The following FBLN2 variants were observed in gnomAD, a reference collection of about 807,000 sequenced individuals.
FBLN2 encodes the protein fibulin 2.
FBLN2 carries 81 observed loss-of-function variants against 123.7 expected under a neutral mutation model. The ratio of observed to expected loss-of-function variants is 0.65; its 90% CI spans 0.55 to 0.79. The LOEUF is 0.79. Ranked by LOEUF, FBLN2 falls within the 30% of genes least tolerant of loss-of-function variation. FBLN2 has a pLI of 0.00. For missense variants in FBLN2, 1,603 were observed against 1,681.3 expected (o/e 0.95, Z 0.81); for synonymous variants, 699 against 701.4 (o/e 1.00, Z 0.05).
chr3:13,581,221 G>A lies in FBLN2; in HGVS notation c.1306+9560G>A, dbSNP rs570157199. ...GGAAGTCAGGGGCGGCAGGTGGGGG[G>A]TGGGGGGGAGGTGTGGGCCTGGGGC... On this transcript the variant is annotated intron_variant, in intron 2 of 17. Transcript: ENST00000404922. Among the ~76,000 whole-genome samples the A allele has an allele frequency of 8.4e-3, 1,268 of 150,300 alleles. 5 individuals carry two copies. Among genetic ancestry groups the A allele is most frequent in the Non-Finnish European group, 0.012 (831 of 67,626 alleles).
chr3:13,621,788 C>G lies in FBLN2; in HGVS notation c.2169C>G (p.Cys723Trp). ...DGVSCEDQDE[C>W]LMGAHDCSRR... is the part of the protein sequence containing the mutation. ...GGCTGCCACTAGACCAAGACGAGTG[C>G]CTGATGGGTGCTCACGATTGTAGCC... Residue 723 changes from cysteine (C) to tryptophan (W), a missense_variant, in exon 9 of 18, where the codon TGC (cysteine) becomes TGG (tryptophan). Coordinates refer to ENST00000404922, the MANE Select transcript of FBLN2 (RefSeq NM_001004019.2). The G allele has an allele frequency of 6.2e-7, 1 of 1,614,048 alleles. No individual in the cohort carries two copies. The highest frequency in any genetic ancestry group is 8.5e-7 in the Non-Finnish European group (1 of 1,179,884).
intron 4 of FBLN2, among the ~76,000 whole-genome samples, chr3:13,610,064 C>T (rs925467217): frequency 1.3e-5 from 2 of 152,180 alleles, no homozygotes; most frequent in Non-Finnish European, 2.9e-5. Context: ...GGAGGGACTG[C>T]AGTATCAGCT....
At chr3:13,613,888 T>A in intron 4 of FBLN2, 96 bp from the exon 5 acceptor site, 1 of 1,333,832 alleles carries the variant, frequency 7.5e-7, no homozygotes, top group South Asian at 1.4e-5. Context: ...GGAGATAAGA[T>A]AATGGTGAAT....
chr3:13,586,759 T>C (rs1704519246), intron 2 of FBLN2, among the ~76,000 whole-genome samples: 2 of 150,406 alleles, frequency 1.3e-5, no homozygotes, highest in African/African-American at 4.9e-5. Context: ...TCCGCCTGTC[T>C]CAGCCTCCCA....
rs371288438 is a variant in FBLN2, at chr3:13,628,953, G to A, written c.2618G>A (p.Ser873Asn). ...SLSEPCRPGF[S>N]CINTVGSYTC... is the part of the protein sequence containing the mutation. ...TCCGAGCCATGTCGGCCAGGCTTCAGCTGCATCAACACGGTGGGCTCCTAC... is the reference window on the plus strand; with the variant it reads ...TCCGAGCCATGTCGGCCAGGCTTCAACTGCATCAACACGGTGGGCTCCTAC... The change falls in exon 12 of 18, where the codon AGC (serine) becomes AAC (asparagine). Residue 873 changes from serine to asparagine, a missense_variant. Transcript: ENST00000404922. 8.1e-6 allele frequency: 13 copies of A among 1,613,676 alleles called. No homozygotes were observed. The African/African-American group carries it at 1.5e-4, about 18-fold the overall frequency.
chr3:13,552,483 C>T (rs751736305), intron 1 of FBLN2, among the ~76,000 whole-genome samples: 7 of 152,098 alleles, frequency 4.6e-5, no homozygotes, highest in Non-Finnish European at 8.8e-5. Flanking sequence ...CCCAGGTCCC[C>T]GAGTGTGGGT....
chr3:13,581,222 T>TGGGGGGGGGGGGG (rs138166929), intron 2 of FBLN2, among the ~76,000 whole-genome samples: 2 of 42,330 alleles, frequency 4.7e-5, no homozygotes, highest in East Asian at 4.1e-4. Flanking sequence ...AGGTGGGGGG[T>TGGGGGGGGGGGGG]GGGGGGGAGG....
At chr3:13,634,526 G>C (rs765985948) in intron 16 of FBLN2, among the ~76,000 whole-genome samples, 4 of 152,248 alleles carry the variant, frequency 2.6e-5, no homozygotes, top group Non-Finnish European at 5.9e-5. Context: ...AAGCTCCAGG[G>C]TCACTGGAGC....
chr3:13,573,558 A>G (rs1481402122), intron 2 of FBLN2, among the ~76,000 whole-genome samples: 1 of 152,122 alleles, frequency 6.6e-6, no homozygotes, highest in Non-Finnish European at 1.5e-5. Flanking sequence ...TGAACCCTGT[A>G]CATTCAGCAT....
chr3:13,636,783 A>G lies in FBLN2; in HGVS notation c.3338+215A>G, dbSNP rs930664238. On this transcript the variant is annotated intron_variant, in intron 17 of 17. Transcript: ENST00000404922. ...GAAGGGGAAAAGACACACAGAAAAC[A>G]CCAGCCCTCTTCCTCATACACACAC... Among the ~76,000 whole-genome samples, 3 of 152,312 alleles carry G rather than the reference A, an allele frequency of 2.0e-5. No individual in the cohort carries two copies. The East Asian group carries it at 5.8e-4, about 29-fold the overall frequency.
chr3:13,597,317 G>A (rs867826563), intron 2 of FBLN2, among the ~76,000 whole-genome samples: 1 of 152,320 alleles, frequency 6.6e-6, no homozygotes, highest in Middle Eastern at 3.4e-3. Flanking sequence ...CTTTGTTTGG[G>A]AGGAGAGCAG....
At chr3:13,611,980 C>G (rs1191494855) in intron 4 of FBLN2, among the ~76,000 whole-genome samples, 9 of 152,196 alleles carry the variant, frequency 5.9e-5, no homozygotes. Context: ...GGCACAGTTT[C>G]AGGAAACCTT....
At chr3:13,630,936 C>T (rs1706234352) in intron 15 of FBLN2, 121 bp downstream of exon 15, 4 of 762,838 alleles carry the variant, frequency 5.2e-6, no homozygotes, top group African/African-American at 5.2e-5. Context: ...GATCTGAGTT[C>T]AAGCCCCAGC....
chr3:13,607,773 G>C (rs549072747), intron 2 of FBLN2, among the ~76,000 whole-genome samples: 1 of 152,298 alleles, frequency 6.6e-6, no homozygotes, highest in Admixed American at 6.5e-5. Flanking sequence ...GGGAGCTCTA[G>C]AGTGTGAGTG....
chr3:13,578,986 C>T (rs998227574), intron 2 of FBLN2, among the ~76,000 whole-genome samples: 3 of 152,188 alleles, frequency 2.0e-5, no homozygotes, highest in South Asian at 2.1e-4. Flanking sequence ...ACCTAGGAGG[C>T]GGAGGTTGTG....
rs924836733 is a variant in FBLN2, at chr3:13,592,997, C to T, written c.1307-15065C>T. ...TCTCTCATCCTCCATCAGCCCAGCCCGGACTACAGAGTCCCAGGAGAGACA... is the reference window on the plus strand; with the variant it reads ...TCTCTCATCCTCCATCAGCCCAGCCTGGACTACAGAGTCCCAGGAGAGACA... On this transcript the variant is annotated intron_variant, in intron 2 of 17. Coordinates refer to ENST00000404922, the MANE Select transcript of FBLN2 (RefSeq NM_001004019.2). Among the ~76,000 whole-genome samples, 9 of 152,290 alleles carry T rather than the reference C, an allele frequency of 5.9e-5. No homozygotes were observed. The East Asian group carries it at 7.7e-4, about 13-fold the overall frequency.
intron 1 of FBLN2, chr3:13,568,924 C>T (rs1282959843): frequency 6.1e-6 from 6 of 985,576 alleles, no homozygotes; most frequent in South Asian, 4.7e-5. Context: ...GCAGAGGAGG[C>T]GTTCCTTTAG....
At chr3:13,614,192 C>A in intron 5 of FBLN2, 28 bp downstream of exon 5, 1 of 1,600,578 alleles carries the variant, frequency 6.2e-7, no homozygotes, top group Non-Finnish European at 8.5e-7. Context: ...CTGGCTGCGG[C>A]ATATAGGGCG....
chr3:13,629,031 A>G lies in FBLN2; in HGVS notation c.2696A>G (p.Asp899Gly), dbSNP rs376230486. The G allele has an allele frequency of 1.9e-5, 30 of 1,613,148 alleles. No homozygotes were observed. The African/African-American group carries it at 3.5e-4, about 19-fold the overall frequency. ...ICARGYHASDDGTKCVDVNEC... is the reference protein window; with the variant it reads ...ICARGYHASDGGTKCVDVNEC... ...GCGCGCGGCTACCACGCCAGCGATG[A>G]TGGGACCAAGTGTGTGGGTAAGGCC... The change falls in exon 12 of 18, where the codon GAT (aspartate) becomes GGT (glycine). Residue 899 changes from aspartate (D) to glycine (G), a missense_variant. Asp to Gly is a moderately conservative substitution (Grantham distance 94). Coordinates refer to ENST00000404922, the MANE Select transcript of FBLN2 (RefSeq NM_001004019.2).
Sources: gnomAD v4.1 joint callset for allele counts (sites outside exome capture counted in the v4.1 genomes callset) on GRCh38, gnomAD v4.1.1 for gene constraint, MANE v1.5 for transcripts, NCBI Gene and HGNC (gene_info 2026-07-23, HGNC 2026-07-21) for gene names.